CDH13: variants seen among roughly 807,000 people sequenced by gnomAD.
CDH13 encodes cadherin 13.
CDH13 carries 24 observed loss-of-function variants against 63.8 expected under a neutral mutation model. The observed-to-expected ratio is 0.38, with a 90% CI of 0.27 to 0.53. The LOEUF is 0.53. Among genes scored for constraint, CDH13 ranks in the 20% least tolerant of loss-of-function variants. The pLI is 0.85. For missense variants in CDH13, 1,049 were observed against 903.1 expected (o/e 1.16, Z -2.07); for synonymous variants, 503 against 355.3 (o/e 1.42, Z -4.67).
intron 1 of CDH13, among the ~76,000 whole-genome samples, chr16:82,842,120 A>G (rs1420393794): frequency 2.2e-5 from 1 of 46,480 alleles, no homozygotes; most frequent in Non-Finnish European, 5.1e-5. Flanking sequence ...ATGTATATAT[A>G]TATATATATA....
At chr16:82,769,646 A>G (rs2035186687) in intron 1 of CDH13, among the ~76,000 whole-genome samples, 1 of 152,174 alleles carries the variant, frequency 6.6e-6, no homozygotes, top group South Asian at 2.1e-4. Flanking sequence ...ATAGGAATTG[A>G]TTGAGGAGGA....
intron 3 of CDH13, among the ~76,000 whole-genome samples, chr16:83,070,520 A>C (rs2032351279): frequency 6.6e-6 from 1 of 152,148 alleles, no homozygotes; most frequent in Non-Finnish European, 1.5e-5. Context: ...TCTTTTTAAT[A>C]GCCTTGGTGC....
intron 1 of CDH13, among the ~76,000 whole-genome samples, chr16:82,843,750 G>A (rs1714755880): frequency 1.3e-5 from 2 of 152,208 alleles, no homozygotes; most frequent in Non-Finnish European, 2.9e-5. Context: ...GTTGAGAGCT[G>A]CACAGTTGGA....
At chr16:82,721,767 C>T (rs1370270928) in intron 1 of CDH13, among the ~76,000 whole-genome samples, 2 of 152,144 alleles carry the variant, frequency 1.3e-5, no homozygotes, top group Non-Finnish European at 2.9e-5. Flanking sequence ...GAATTGTAGG[C>T]ACTGTACTTC....
At chr16:83,059,935 AG>A (rs962114191) in intron 3 of CDH13, among the ~76,000 whole-genome samples, 1 of 151,420 alleles carries the variant, frequency 6.6e-6, no homozygotes, top group Admixed American at 6.6e-5. Context: ...CTGGGACTAC[AG>A]GTGCCCGCCA....
chr16:83,527,282 T>C (rs1453711483), intron 7 of CDH13, among the ~76,000 whole-genome samples: 2 of 151,894 alleles, frequency 1.3e-5, no homozygotes, highest in East Asian at 1.9e-4. Context: ...ACCCCATCTC[T>C]ACTAAAAATA....
At chr16:83,421,053 T>G (rs1459363005) in intron 6 of CDH13, among the ~76,000 whole-genome samples, 1 of 152,134 alleles carries the variant, frequency 6.6e-6, no homozygotes, top group Admixed American at 6.5e-5. Context: ...CTGTCCACAG[T>G]AAAAGCTGTG....
At chr16:83,474,418 C>G (rs2073546631) in intron 6 of CDH13, among the ~76,000 whole-genome samples, 1 of 152,120 alleles carries the variant, frequency 6.6e-6, no homozygotes, top group African/African-American at 2.4e-5. Context: ...ACTCTCAAGG[C>G]CCCACACCAG....
At chr16:83,609,903 C>A (rs1262079862) in intron 8 of CDH13, among the ~76,000 whole-genome samples, 2 of 151,918 alleles carry the variant, frequency 1.3e-5, no homozygotes, top group Non-Finnish European at 2.9e-5. Context: ...CGCTGGCCAC[C>A]ACTGATCTAC....
At chr16:83,774,925 A>T (rs1018262325) in intron 11 of CDH13, among the ~76,000 whole-genome samples, 2 of 152,040 alleles carry the variant, frequency 1.3e-5, no homozygotes, top group African/African-American at 4.8e-5. Context: ...AAAGTGGTTA[A>T]AAATTGTCAA....
chr16:82,926,142 G>C (rs1288525592), intron 2 of CDH13: 1 of 152,132 alleles, frequency 6.6e-6, no homozygotes, highest in Non-Finnish European at 1.5e-5. Context: ...TTTCTATAAA[G>C]GTCCAGGTAG....
At chr16:83,036,165 T>C (rs865882467) in intron 3 of CDH13, among the ~76,000 whole-genome samples, 15 of 148,098 alleles carry the variant, frequency 1.0e-4, no homozygotes, top group African/African-American at 2.5e-4. Context: ...TTTTTTTTTT[T>C]TGAGATAGGG....
chr16:82,729,559 A>T (rs982979671), intron 1 of CDH13, among the ~76,000 whole-genome samples: 8 of 152,136 alleles, frequency 5.3e-5, no homozygotes, highest in African/African-American at 1.9e-4. Flanking sequence ...TGCTGTAAAC[A>T]GATGTGCTGT....
At position 82,826,510 on chromosome 16, in the gene CDH13, A is replaced by G. The variant is rs368409040; in HGVS notation, c.46-31852A>G. 5.3e-5 allele frequency: 8 copies of G among 152,334 alleles called. No individual in the cohort carries two copies. In the South Asian group the frequency reaches 1.7e-3, roughly 32 times the overall value. The allele number at this position is 152,334 out of a possible 1,614,324, so 9.4% of individuals were successfully genotyped here. A position where few individuals can be genotyped will look rare whatever the true frequency, so the allele number is the denominator to read the frequency against. ...TCTGTACATGATCAGAATCCTAATC[A>G]TTATTAAAATAGGTGTTTCTATTAT... On this transcript the variant is annotated intron_variant, in intron 1 of 13. Coordinates refer to ENST00000567109, the MANE Select transcript of CDH13 (RefSeq NM_001257.5).
chr16:83,086,309 C>T (rs11641315), intron 3 of CDH13, among the ~76,000 whole-genome samples: 85,230 of 152,002 alleles, frequency 0.56, 24,019 homozygotes, highest in East Asian at 0.69. Flanking sequence ...TTAGGGAATG[C>T]AGTATTTCAA....
At chr16:83,329,048 A>C (rs879905635) in intron 5 of CDH13, among the ~76,000 whole-genome samples, 1 of 152,098 alleles carries the variant, frequency 6.6e-6, no homozygotes, top group African/African-American at 2.4e-5. Flanking sequence ...TCAGTAATAA[A>C]ATGAGGCATC....
chr16:83,063,017 C>T (rs577570572), intron 3 of CDH13, among the ~76,000 whole-genome samples: 7 of 142,256 alleles, frequency 4.9e-5, no homozygotes, highest in Non-Finnish European at 9.0e-5. Context: ...GGCTGGAGTT[C>T]AGGGTGCGAT....
At chr16:83,151,480 G>A (rs1231746621) in intron 4 of CDH13, among the ~76,000 whole-genome samples, 2 of 152,150 alleles carry the variant, frequency 1.3e-5, no homozygotes, top group African/African-American at 4.8e-5. Flanking sequence ...GGCTAGACCT[G>A]GAAACTAGTT....
At chr16:82,632,508 G>C (rs1471974566) in intron 1 of CDH13, among the ~76,000 whole-genome samples, 2 of 152,112 alleles carry the variant, frequency 1.3e-5, no homozygotes, top group Non-Finnish European at 2.9e-5. Context: ...GCAGAGAAGT[G>C]ACACGCTGCA....
Sources: allele counts gnomAD v4.1 joint callset (sites outside exome capture counted in the v4.1 genomes callset), GRCh38; gene constraint gnomAD v4.1.1; transcripts MANE v1.5; gene names NCBI Gene and HGNC (gene_info 2026-07-23, HGNC 2026-07-21).